The following AFAP1 variants were observed in gnomAD, a reference collection of about 807,000 sequenced individuals.
AFAP1 encodes actin filament-associated protein 1.
In AFAP1, 75 loss-of-function variants were observed where a neutral mutation model predicts 93.9. The ratio of observed to expected loss-of-function variants is 0.80; its 90% CI spans 0.66 to 0.97. The LOEUF (loss-of-function observed/expected upper bound fraction) is 0.97. AFAP1 is among the 50% of genes least tolerant of loss of function. The pLI, the probability that AFAP1 is intolerant of heterozygous loss-of-function variation, is 0.00. For synonymous variants in AFAP1, 517 were observed against 430.7 expected (o/e 1.20, Z -2.48); for missense variants, 1,201 against 1,050.8 (o/e 1.14, Z -1.98).
intron 8 of AFAP1, among the ~76,000 whole-genome samples, chr4:7,813,564 C>G (rs1364895178): frequency 2.0e-5 from 3 of 152,216 alleles, no homozygotes; most frequent in Non-Finnish European, 4.4e-5. Context: ...ACCAAACCAA[C>G]GTCTGCTGTG....
intron 1 of AFAP1, among the ~76,000 whole-genome samples, chr4:7,928,322 T>C (rs1158630844): frequency 2.6e-5 from 4 of 152,190 alleles, no homozygotes; most frequent in African/African-American, 9.7e-5. Flanking sequence ...AGTCATCTTT[T>C]TCTAAGCTCT....
chr4:7,822,450 A>G (rs1352667145), intron 6 of AFAP1, among the ~76,000 whole-genome samples: 1 of 152,202 alleles, frequency 6.6e-6, no homozygotes, highest in Non-Finnish European at 1.5e-5. Context: ...TGCTTCCATT[A>G]TACAAACGCA....
At chr4:7,867,328 T>A (rs944341645) in intron 3 of AFAP1, among the ~76,000 whole-genome samples, 1 of 152,196 alleles carries the variant, frequency 6.6e-6, no homozygotes, top group African/African-American at 2.4e-5. Flanking sequence ...GCTCTTTCCA[T>A]CTCCTGGATA....
intron 1 of AFAP1, among the ~76,000 whole-genome samples, chr4:7,918,979 C>A (rs111268626): frequency 0.22 from 11,848 of 54,716 alleles, 2,576 homozygotes; most frequent in East Asian, 0.58. Flanking sequence ...AAGAGACACT[C>A]GGCCCAGGTC....
chr4:7,871,563 G>A (rs1407786098), intron 2 of AFAP1, among the ~76,000 whole-genome samples: 1 of 152,198 alleles, frequency 6.6e-6, no homozygotes, highest in Non-Finnish European at 1.5e-5. Context: ...TGGCATATGG[G>A]TTCCTCCATG....
chr4:7,812,376 G>T (rs147325876), intron 8 of AFAP1, among the ~76,000 whole-genome samples: 85 of 152,146 alleles, frequency 5.6e-4, no homozygotes, highest in African/African-American at 2.0e-3. Context: ...GTGCTTGCTC[G>T]ACTCTGACTG....
intron 14 of AFAP1, 118 bp downstream of exon 14, chr4:7,778,644 C>T (rs890052441): frequency 3.1e-6 from 3 of 965,360 alleles, no homozygotes; most frequent in South Asian, 2.6e-5. Context: ...ACGGTGCCCA[C>T]CGCTCCATCT....
At chr4:7,775,013 T>C (rs1421243531) in intron 14 of AFAP1, 110 bp from the exon 15 acceptor site, 8 of 1,326,854 alleles carry the variant, frequency 6.0e-6, no homozygotes, top group Non-Finnish European at 7.2e-6. Flanking sequence ...TGGCGGCACA[T>C]GCCTATAGTC....
chr4:7,891,328 G>A (rs1003540936), intron 1 of AFAP1, among the ~76,000 whole-genome samples: 9 of 152,178 alleles, frequency 5.9e-5, no homozygotes, highest in South Asian at 2.1e-4. Flanking sequence ...AATGTTCTCC[G>A]TCTTCACGGA....
In AFAP1 at chr4:7,797,892, A is replaced by C. The variant is rs6856795; in HGVS notation, c.1266+2550T>G. On this transcript the variant is annotated intron_variant, in intron 10 of 17. Coordinates refer to ENST00000420658, the MANE Select transcript of AFAP1 (RefSeq NM_001134647.2). The stretch of plus-strand genomic sequence containing the variant: ...CATACAGACGTAGAGAGAAAGGGGC[A>C]CGGGGGAGAGTACACACGCAGGGCT... Among the ~76,000 whole-genome samples the C allele has an allele frequency of 3.0e-4, 45 of 152,198 alleles. No homozygotes were observed. The Middle Eastern group carries it at 0.017, about 58-fold the overall frequency.
chr4:7,876,546 C>A (rs1409253401), intron 1 of AFAP1, among the ~76,000 whole-genome samples: 2 of 152,174 alleles, frequency 1.3e-5, no homozygotes, highest in African/African-American at 4.8e-5. Context: ...GAAGCCAGCA[C>A]TGGAGGACGA....
chr4:7,804,733 C>G (rs1383327403), intron 9 of AFAP1, among the ~76,000 whole-genome samples: 3 of 152,214 alleles, frequency 2.0e-5, no homozygotes, highest in Non-Finnish European at 4.4e-5. Flanking sequence ...ACCCCAGAGG[C>G]TACTGTGCTT....
intron 10 of AFAP1, among the ~76,000 whole-genome samples, chr4:7,797,939 C>G (rs6836793): frequency 0.39 from 59,225 of 152,054 alleles, 12,226 homozygotes; most frequent in East Asian, 0.77. Context: ...AGCAAGCATG[C>G]GGAATGTTGG....
At chr4:7,873,549 C>T (rs1383618759) in intron 1 of AFAP1, among the ~76,000 whole-genome samples, 13 of 151,562 alleles carry the variant, frequency 8.6e-5, no homozygotes, top group Admixed American at 6.6e-5. Context: ...GGGGTTTCAC[C>T]GTGTTAGCCA....
intron 1 of AFAP1, among the ~76,000 whole-genome samples, chr4:7,937,402 T>C (rs1009079713): frequency 9.2e-5 from 14 of 152,246 alleles, no homozygotes; most frequent in African/African-American, 3.4e-4. Flanking sequence ...TTATGTAGTT[T>C]ACGATCCTCA....
Position 7,939,512 on chromosome 4 carries a change from C to T in AFAP1, c.-3+144G>A. ...GGCCCACGCGGCGTCGCAGCAGGCG[C>T]GGAGCCCCCGGTACCACCCGAGGCC... On this transcript the variant is annotated intron_variant, in intron 1 of 17. Transcript: ENST00000420658. The surrounding 1 kb of genome is among the most constrained non-coding windows in gnomAD (Gnocchi z 5.6). The T allele has an allele frequency of 5.9e-6, 2 of 336,544 alleles. No homozygotes were observed. The highest frequency in any genetic ancestry group is 2.1e-5 in the South Asian group (1 of 47,516). 20.8% of individuals were successfully genotyped at this position (336,544 alleles called of 1,614,324 possible).
intron 1 of AFAP1, among the ~76,000 whole-genome samples, chr4:7,922,003 G>C (rs941684767): frequency 2.6e-5 from 4 of 152,088 alleles, no homozygotes; most frequent in Admixed American, 2.6e-4. Context: ...CATGCCTGTG[G>C]TCCCAGCTAC....
chr4:7,787,458 T>C (rs1717407630), intron 11 of AFAP1, among the ~76,000 whole-genome samples: 1 of 152,020 alleles, frequency 6.6e-6, no homozygotes, highest in Admixed American at 6.5e-5. Context: ...GACGCACAGG[T>C]GATATCCTGG....
At chr4:7,818,264 C>T (rs951072835) in intron 7 of AFAP1, among the ~76,000 whole-genome samples, 6 of 152,192 alleles carry the variant, frequency 3.9e-5, no homozygotes, top group Non-Finnish European at 5.9e-5. Flanking sequence ...TCTCCGCCTG[C>T]GGCCCACACT....
Sources: gnomAD v4.1 joint callset for allele counts (sites outside exome capture counted in the v4.1 genomes callset) on GRCh38, gnomAD v4.1.1 for gene constraint, Gnocchi (gnomAD v3.1) non-coding constraint, MANE v1.5 for transcripts, NCBI Gene and HGNC (gene_info 2026-07-23, HGNC 2026-07-21) for gene names.